FGF13: variants seen among roughly 807,000 people sequenced by gnomAD.
FGF13 encodes the protein fibroblast growth factor homologous factor 2.
A neutral mutation model predicts 19.5 loss-of-function variants in FGF13; 2 were observed. The ratio of observed to expected loss-of-function variants is 0.10; its 90% CI spans 0.04 to 0.32. The LOEUF is 0.32. FGF13 is among the 10% of genes least tolerant of loss of function. FGF13 has a pLI of 1.00. For synonymous variants in FGF13, 72 were observed against 76.9 expected (o/e 0.94, Z 0.33); for missense variants, 113 against 192.7 (o/e 0.59, Z 2.45).
chrX:139,073,397 T>C (rs1283559341), intron 1 of FGF13, among the ~76,000 whole-genome samples: 1 of 111,272 alleles, frequency 9.0e-6, no homozygotes, highest in African/African-American at 3.3e-5. Context: ...ATAAGAGCTG[T>C]TATGAAGCCC....
intron 1 of FGF13, among the ~76,000 whole-genome samples, chrX:139,145,898 C>T (rs1306942477): frequency 8.9e-6 from 1 of 111,800 alleles, no homozygotes; most frequent in Non-Finnish European, 1.9e-5. Context: ...TCCTGTTAAT[C>T]TTCTTTGAAT....
upstream of FGF13, among the ~76,000 whole-genome samples, chrX:138,739,609 A>G (rs1319947182): frequency 8.9e-6 from 1 of 111,912 alleles, no homozygotes; most frequent in Non-Finnish European, 1.9e-5. Flanking sequence ...TAGAATTATG[A>G]AAAACGGTCT....
chrX:138,984,814 C>CCGTGTGTG (rs2091987812), intron 1 of FGF13, among the ~76,000 whole-genome samples: 1 of 90,851 alleles, frequency 1.1e-5, no homozygotes, highest in African/African-American at 4.0e-5. Flanking sequence ...TATGTCAGTT[C>CCGTGTGTG]TGTGTGTGTG....
intron 1 of FGF13, among the ~76,000 whole-genome samples, chrX:138,905,462 G>C (rs889747414): frequency 2.7e-5 from 3 of 111,635 alleles, no homozygotes; most frequent in Admixed American, 9.5e-5. Flanking sequence ...AAGCCACGTG[G>C]TTGACAGTGC....
chrX:138,672,224 A>G (rs2089621300), intron 3 of FGF13, among the ~76,000 whole-genome samples: 1 of 111,348 alleles, frequency 9.0e-6, no homozygotes, highest in Non-Finnish European at 1.9e-5. Context: ...ATCTGAACAG[A>G]GGAGTTGTCA....
chrX:139,064,271 CTTTTTTTTTCTTT>C (rs2092346288), intron 1 of FGF13, among the ~76,000 whole-genome samples: 1 of 32,093 alleles, frequency 3.1e-5, no homozygotes, highest in Non-Finnish European at 5.8e-5. Context: ...GAGCAGAGTT[CTTTTTTTTTCTTT>C]TTTTTTTTTT....
chrX:138,614,873 A>G lies in FGF13; in HGVS notation c.*17977T>C, dbSNP rs942395382. ...AAATTAAACATATTGCATTACTGAT[A>G]TACACAACAGTTTGGATGCATCTCA... On this transcript the variant is annotated 3_prime_UTR_variant, in exon 5 of 5. Coordinates refer to ENST00000315930, the MANE Select transcript of FGF13 (RefSeq NM_004114.5). 8.9e-6 allele frequency: 1 copy of G among 112,286 alleles called. No individual in the cohort carries two copies. Among genetic ancestry groups the G allele is most frequent in the Non-Finnish European group, 1.9e-5 (1 of 53,277 alleles). The allele number at this position is 112,286 out of a possible 1,213,427, so 9.3% of individuals were successfully genotyped here.
intron 1 of FGF13, among the ~76,000 whole-genome samples, chrX:139,094,109 T>C (rs1455001728): frequency 1.8e-5 from 2 of 111,610 alleles, no homozygotes; most frequent in Non-Finnish European, 3.8e-5. Context: ...ATACAGGCCG[T>C]CTCTAGTGCC....
intron 1 of FGF13, among the ~76,000 whole-genome samples, chrX:138,877,154 G>C (rs2091394524): frequency 9.1e-6 from 1 of 110,158 alleles, no homozygotes; most frequent in Admixed American, 9.7e-5. Context: ...TAGAGGACAA[G>C]TCAGTAGGTG....
chrX:138,643,533 A>G (rs1211575093), intron 3 of FGF13, among the ~76,000 whole-genome samples: 1 of 112,310 alleles, frequency 8.9e-6, no homozygotes, highest in Admixed American at 9.4e-5. Flanking sequence ...TGACTGGCCC[A>G]AGACTGTGTT....
intron 1 of FGF13, among the ~76,000 whole-genome samples, chrX:139,070,033 A>C (rs1236872245): frequency 8.9e-6 from 1 of 112,477 alleles, no homozygotes; most frequent in Non-Finnish European, 1.9e-5. Context: ...AAACTCTAGA[A>C]GAAAACCTAG....
chrX:139,128,652 G>A (rs1024198091), intron 1 of FGF13, among the ~76,000 whole-genome samples: 1 of 112,260 alleles, frequency 8.9e-6, no homozygotes, highest in African/African-American at 3.2e-5. Flanking sequence ...AGTCTGCTTC[G>A]ACTTCCTCAT....
intron 3 of FGF13, among the ~76,000 whole-genome samples, chrX:138,674,605 G>A (rs189538143): frequency 1.8e-5 from 2 of 110,975 alleles, no homozygotes; most frequent in Admixed American, 9.6e-5. Flanking sequence ...AAAGGTGTTA[G>A]GGTAAATATA....
In FGF13 at chrX:138,619,313, T is replaced by C. The variant is rs758523345; in HGVS notation, c.*13537A>G. 1 of 111,054 alleles carries C rather than the reference T, an allele frequency of 9.0e-6. No homozygotes were observed. The highest frequency in any genetic ancestry group is 9.6e-5 in the Admixed American group (1 of 10,433). 9.2% of individuals were successfully genotyped at this position (111,054 alleles called of 1,213,427 possible). A position where few individuals can be genotyped will look rare whatever the true frequency, so the allele number is the denominator to read the frequency against. On this transcript the variant is annotated 3_prime_UTR_variant, in exon 5 of 5. Transcript: ENST00000315930. ...AATACAATGAATAAAATTAAAAAAG[T>C]AACAGAAAACATCCACAGCATACTC...
intron 1 of FGF13, among the ~76,000 whole-genome samples, chrX:139,067,921 C>T (rs1009456529): frequency 3.8e-5 from 4 of 105,781 alleles, no homozygotes; most frequent in African/African-American, 1.4e-4. Flanking sequence ...AAAATTTTCT[C>T]CCATTTTGTA....
intron 1 of FGF13, among the ~76,000 whole-genome samples, chrX:139,119,991 G>C (rs1441916962): frequency 1.8e-5 from 2 of 111,838 alleles, no homozygotes; most frequent in African/African-American, 6.5e-5. Flanking sequence ...GAGATGATCG[G>C]ATCATGGGGG....
intron 3 of FGF13, among the ~76,000 whole-genome samples, chrX:138,792,058 G>C (rs976230257): frequency 2.7e-5 from 3 of 111,704 alleles, no homozygotes; most frequent in African/African-American, 9.8e-5. Context: ...GCTGAGTAGT[G>C]TTGCTAGCTT....
At chrX:139,034,060 A>G (rs189553253) in intron 1 of FGF13, among the ~76,000 whole-genome samples, 1 of 111,862 alleles carries the variant, frequency 8.9e-6, no homozygotes, top group Non-Finnish European at 1.9e-5. Context: ...AGAATTATTG[A>G]CATATTACAA....
intron 3 of FGF13, among the ~76,000 whole-genome samples, chrX:138,789,028 G>A (rs1298907845): frequency 1.8e-5 from 2 of 111,720 alleles, no homozygotes; most frequent in East Asian, 5.6e-4. Context: ...ACTCAGCTAA[G>A]TTCTTTGCAA....
Sources: gnomAD v4.1 joint callset for allele counts (sites outside exome capture counted in the v4.1 genomes callset) on GRCh38, gnomAD v4.1.1 for gene constraint, MANE v1.5 for transcripts, NCBI Gene and HGNC (gene_info 2026-07-23, HGNC 2026-07-21) for gene names.